FHIT: variants seen among roughly 807,000 people sequenced by gnomAD.
The protein encoded by FHIT is fragile histidine triad diadenosine triphosphatase, also known as bis(5'-adenosyl)-triphosphatase.
FHIT carries 19 observed loss-of-function variants against 17.9 expected under a neutral mutation model. The ratio of observed to expected loss-of-function variants is 1.06; its 90% CI spans 0.74 to 1.56. FHIT has a LOEUF of 1.56. FHIT is among the 40% of genes most tolerant of loss of function. The pLI is 0.00. For synonymous variants in FHIT, 81 were observed against 69.7 expected (o/e 1.16, Z -0.81); for missense variants, 248 against 189.2 (o/e 1.31, Z -1.82).
At chr3:60,715,112 G>T (rs1553706363) in intron 4 of FHIT, among the ~76,000 whole-genome samples, 3 of 151,982 alleles carry the variant, frequency 2.0e-5, no homozygotes, top group African/African-American at 7.3e-5. Context: ...ACAGAACAGA[G>T]CCCTCAGAAA....
chr3:60,121,912 C>A (rs771140032), intron 5 of FHIT, among the ~76,000 whole-genome samples: 2 of 152,094 alleles, frequency 1.3e-5, no homozygotes, highest in Non-Finnish European at 2.9e-5. Context: ...TATCTACAGT[C>A]AACTAAGAAA....
intron 3 of FHIT, among the ~76,000 whole-genome samples, chr3:60,908,002 A>G (rs1215138924): frequency 6.6e-6 from 1 of 152,234 alleles, no homozygotes; most frequent in African/African-American, 2.4e-5. Context: ...AAAGTTTATT[A>G]TCATATCCAC....
intron 5 of FHIT, among the ~76,000 whole-genome samples, chr3:60,281,988 C>T (rs1037694311): frequency 3.3e-5 from 5 of 152,028 alleles, no homozygotes; most frequent in Non-Finnish European, 5.9e-5. Context: ...TAGCTAAATC[C>T]ATAAGACTGA....
At chr3:60,607,538 C>T (rs573279427) in intron 4 of FHIT, among the ~76,000 whole-genome samples, 2 of 152,034 alleles carry the variant, frequency 1.3e-5, no homozygotes, top group Non-Finnish European at 2.9e-5. Context: ...GAGACAGATT[C>T]TTTCTGATTG....
intron 5 of FHIT, among the ~76,000 whole-genome samples, chr3:60,278,117 G>T (rs213355): frequency 0.43 from 65,499 of 152,014 alleles, 14,817 homozygotes; most frequent in South Asian, 0.62. Context: ...ACAAATTGCT[G>T]GAGGCTCAGT....
At chr3:61,188,100 A>G (rs1451267845) in intron 2 of FHIT, among the ~76,000 whole-genome samples, 2 of 152,220 alleles carry the variant, frequency 1.3e-5, no homozygotes, top group East Asian at 3.8e-4. Flanking sequence ...ACTGAAGGAA[A>G]TAGAGACACA....
intron 4 of FHIT, among the ~76,000 whole-genome samples, chr3:60,582,097 G>C (rs782480782): frequency 8.6e-5 from 13 of 152,044 alleles, no homozygotes; most frequent in Admixed American, 7.9e-4. Context: ...CTGCACTTTG[G>C]AATCAAGTGT....
In FHIT at chr3:60,035,263, G is replaced by T. The variant is rs376453326; in HGVS notation, c.104-21111C>A. Among the ~76,000 whole-genome samples, 16 of 152,130 alleles carry T rather than the reference G, an allele frequency of 1.1e-4. No individual in the cohort carries two copies. The East Asian group carries it at 1.9e-3, about 18-fold the overall frequency. ...CAGAATGGCCACCATGCAGCAAAAA[G>T]ATCGCTCTTGTTGCCCAGGCTGGAG... is the stretch of plus-strand genomic sequence containing the variant. On this transcript the variant is annotated intron_variant, in intron 5 of 9. Coordinates refer to ENST00000492590, the MANE Select transcript of FHIT (RefSeq NM_002012.4).
intron 8 of FHIT, among the ~76,000 whole-genome samples, chr3:59,844,487 GTGTGTGTGTC>G (rs886749921): frequency 1.5e-4 from 23 of 151,620 alleles, no homozygotes; most frequent in African/African-American, 4.3e-4. Context: ...AGTTTGTTGA[GTGTGTGTGTC>G]TGTGTGTGTC....
chr3:60,543,839 G>A (rs1343214033), intron 4 of FHIT, among the ~76,000 whole-genome samples: 2 of 150,336 alleles, frequency 1.3e-5, no homozygotes, highest in African/African-American at 2.5e-5. Context: ...CCGCTTCCCA[G>A]GTTCAAGGGA....
intron 5 of FHIT, among the ~76,000 whole-genome samples, chr3:60,106,937 T>A (rs1267590093): frequency 6.6e-6 from 1 of 152,128 alleles, no homozygotes; most frequent in East Asian, 1.9e-4. Context: ...AAACTGCTCT[T>A]TAAGGAAACG....
At chr3:60,915,735 C>T (rs1706963120) in intron 3 of FHIT, among the ~76,000 whole-genome samples, 1 of 152,038 alleles carries the variant, frequency 6.6e-6, no homozygotes, top group African/African-American at 2.4e-5. Context: ...TTATAAATGC[C>T]ATACCAAGAA....
chr3:60,077,733 T>G (rs2886820), intron 5 of FHIT, among the ~76,000 whole-genome samples: 545 of 45,158 alleles, frequency 0.012, 3 homozygotes, highest in Non-Finnish European at 0.014. Context: ...CACACACATA[T>G]ATAGAGGGGG....
At chr3:60,680,680 A>C (rs2040726382) in intron 4 of FHIT, among the ~76,000 whole-genome samples, 1 of 152,044 alleles carries the variant, frequency 6.6e-6, no homozygotes, top group Non-Finnish European at 1.5e-5. Context: ...AAACATATTC[A>C]GTAGAACATC....
chr3:60,884,566 T>A (rs897439359), intron 3 of FHIT, among the ~76,000 whole-genome samples: 12 of 152,212 alleles, frequency 7.9e-5, no homozygotes, highest in Admixed American at 7.9e-4. Context: ...AAATATATTT[T>A]AAAAAATAAT....
At chr3:60,543,194 G>A (rs2036242518) in intron 4 of FHIT, among the ~76,000 whole-genome samples, 1 of 152,166 alleles carries the variant, frequency 6.6e-6, no homozygotes. Flanking sequence ...AGCAGTATGA[G>A]TAGGCGTGGC....
chr3:61,033,287 G>A (rs1288613233), intron 3 of FHIT, among the ~76,000 whole-genome samples: 4 of 152,080 alleles, frequency 2.6e-5, no homozygotes, highest in Non-Finnish European at 5.9e-5. Flanking sequence ...TTTACATATT[G>A]TCTATGGCTG....
At chr3:59,749,805 G>A (rs1700787977) in intron 9 of FHIT, 1 of 222,076 alleles carries the variant, frequency 4.5e-6, no homozygotes, top group Non-Finnish European at 8.9e-6. Flanking sequence ...TCAATAGAAT[G>A]TTTCCATTGT....
rs1702428214 is a variant in FHIT at position 60,192,159 on chromosome 3, G to A, written c.104-178007C>T. ...CCAGCTACTCAGGAGGCGGAGGCAA[G>A]AGAATCGCTCGAGCCCGGGAGGCGG... On this transcript the variant is annotated intron_variant, in intron 5 of 9. Coordinates refer to ENST00000492590, the MANE Select transcript of FHIT (RefSeq NM_002012.4). 2.0e-5 allele frequency among the ~76,000 whole-genome samples: 3 copies of A among 150,892 alleles called. No individual in the cohort carries two copies. In the South Asian group the frequency reaches 6.3e-4, roughly 32 times the overall value.
Sources: gnomAD v4.1 joint callset for allele counts (sites outside exome capture counted in the v4.1 genomes callset) on GRCh38, gnomAD v4.1.1 for gene constraint, MANE v1.5 for transcripts, NCBI Gene and HGNC (gene_info 2026-07-23, HGNC 2026-07-21) for gene names.